Variants in TENM4 observed in about 807,000 individuals in gnomAD.
The protein encoded by TENM4 is teneurin-4.
In TENM4, 82 loss-of-function variants were observed where a neutral mutation model predicts 243.3. That is an observed-to-expected ratio of 0.34 (90% confidence interval 0.28 to 0.40). The LOEUF is 0.40. TENM4 is among the 10% of genes least tolerant of loss of function. The pLI, the probability that TENM4 is intolerant of heterozygous loss-of-function variation, is 1.00. For synonymous variants in TENM4, 1,412 were observed against 1,456.3 expected (o/e 0.97, Z 0.69); for missense variants, 3,138 against 3,673.3 (o/e 0.85, Z 3.77).
chr11:78,823,577 G>C (rs1257793960), intron 12 of TENM4, among the ~76,000 whole-genome samples: 1 of 152,206 alleles, frequency 6.6e-6, no homozygotes, highest in African/African-American at 2.4e-5. Flanking sequence ...TGAGTGAGGA[G>C]AGAAAGCTCA....
chr11:78,664,751 C>T (rs982203508), intron 32 of TENM4, among the ~76,000 whole-genome samples: 1 of 152,028 alleles, frequency 6.6e-6, no homozygotes, highest in Non-Finnish European at 1.5e-5. Flanking sequence ...ACAAACAGAA[C>T]AGGAGGAAAA....
intron 10 of TENM4, among the ~76,000 whole-genome samples, chr11:78,860,903 A>T (rs190332175): frequency 3.3e-5 from 5 of 152,286 alleles, no homozygotes; most frequent in Admixed American, 3.3e-4. Flanking sequence ...TCTTATCTGC[A>T]CCTCCTGTTC....
chr11:78,911,248 A>G (rs1337384095), intron 6 of TENM4, among the ~76,000 whole-genome samples: 1 of 152,194 alleles, frequency 6.6e-6, no homozygotes, highest in Non-Finnish European at 1.5e-5. Flanking sequence ...GCTGCATGCA[A>G]TGACTGGGAC....
intron 1 of TENM4, among the ~76,000 whole-genome samples, chr11:79,408,183 T>C (rs1229607961): frequency 1.3e-5 from 2 of 152,204 alleles, no homozygotes; most frequent in Non-Finnish European, 2.9e-5. Context: ...GGATTACAGG[T>C]GTAAGCCACC....
intron 4 of TENM4, among the ~76,000 whole-genome samples, chr11:79,120,073 A>C (rs1244880378): frequency 6.6e-6 from 1 of 152,238 alleles, no homozygotes; most frequent in Non-Finnish European, 1.5e-5. Context: ...GGAAGGAAGC[A>C]TCCACAGGCA....
intron 2 of TENM4, among the ~76,000 whole-genome samples, chr11:79,257,867 T>C (rs1300649392): frequency 6.6e-6 from 1 of 152,200 alleles, no homozygotes; most frequent in Non-Finnish European, 1.5e-5. Context: ...AATGTGGTTT[T>C]AACTAGAAGG....
chr11:78,982,413 A>T (rs1857819359), intron 6 of TENM4, among the ~76,000 whole-genome samples: 1 of 152,148 alleles, frequency 6.6e-6, no homozygotes, highest in Admixed American at 6.5e-5. Flanking sequence ...GCCAGAGTCC[A>T]TGGACTCACC....
At chr11:79,439,689 A>G (rs887154388) in intron 1 of TENM4, among the ~76,000 whole-genome samples, 1 of 150,106 alleles carries the variant, frequency 6.7e-6, no homozygotes, top group African/African-American at 2.4e-5. Flanking sequence ...ACACACACAC[A>G]CACGCCGCCC....
intron 2 of TENM4, among the ~76,000 whole-genome samples, chr11:79,223,768 T>C (rs758430110): frequency 3.9e-5 from 6 of 152,200 alleles, no homozygotes; most frequent in Non-Finnish European, 7.4e-5. Flanking sequence ...CTAGTTTCCC[T>C]GGGCAGCACC....
intron 6 of TENM4, among the ~76,000 whole-genome samples, chr11:78,954,126 C>T (rs544805712): frequency 6.4e-4 from 98 of 152,262 alleles, no homozygotes; most frequent in African/African-American, 2.3e-3. Flanking sequence ...CTGGTTTAAA[C>T]TGGGAGCCAT....
intron 20 of TENM4, 74 bp from the exon 21 acceptor site, chr11:78,732,651 A>C: frequency 6.8e-7 from 1 of 1,471,106 alleles, no homozygotes; most frequent in South Asian, 1.5e-5. Flanking sequence ...AGAGAGAGAC[A>C]AAGAAAGGGG....
intron 3 of TENM4, among the ~76,000 whole-genome samples, chr11:79,162,000 T>G (rs1042074312): frequency 6.6e-6 from 1 of 152,156 alleles, no homozygotes; most frequent in African/African-American, 2.4e-5. Context: ...TTGGTGGGTG[T>G]GGGAGAAGGA....
At chr11:79,039,219 G>C (rs936077916) in intron 6 of TENM4, among the ~76,000 whole-genome samples, 3 of 152,208 alleles carry the variant, frequency 2.0e-5, no homozygotes, top group African/African-American at 7.2e-5. Context: ...GAGCAAAAAT[G>C]ATTTTGTGAT....
intron 6 of TENM4, among the ~76,000 whole-genome samples, chr11:79,023,284 G>A (rs1858982566): frequency 6.6e-6 from 1 of 152,122 alleles, no homozygotes; most frequent in South Asian, 2.1e-4. Flanking sequence ...TATCAGCCTG[G>A]CGTGGTGGCT....
At chr11:79,396,731 C>T (rs1858353372) in intron 1 of TENM4, among the ~76,000 whole-genome samples, 1 of 152,224 alleles carries the variant, frequency 6.6e-6, no homozygotes, top group Admixed American at 6.5e-5. Flanking sequence ...CTCTAACCTT[C>T]AGGCATGGTG....
At chr11:79,026,582 G>C (rs992439854) in intron 6 of TENM4, among the ~76,000 whole-genome samples, 5 of 152,202 alleles carry the variant, frequency 3.3e-5, no homozygotes, top group African/African-American at 1.2e-4. Context: ...GTTAGAAGTA[G>C]TACTTTTAGT....
At chr11:79,182,534 T>C (rs1863304062) in intron 3 of TENM4, among the ~76,000 whole-genome samples, 1 of 152,080 alleles carries the variant, frequency 6.6e-6, no homozygotes, top group Non-Finnish European at 1.5e-5. Context: ...TTAGATGAAA[T>C]GCCAAAAGCA....
chr11:79,346,366 G>T (rs1234048247), intron 1 of TENM4, among the ~76,000 whole-genome samples: 2 of 152,016 alleles, frequency 1.3e-5, no homozygotes, highest in African/African-American at 2.4e-5. Context: ...TGCCTTCGGG[G>T]GTGTTTGAGA....
chr11:78,785,436 A>G (rs1404321182), intron 16 of TENM4, among the ~76,000 whole-genome samples: 1 of 152,172 alleles, frequency 6.6e-6, no homozygotes, highest in African/African-American at 2.4e-5. Context: ...GCCTCAGTGG[A>G]AAACCAGGAC....
Sources: allele counts gnomAD v4.1 joint callset (sites outside exome capture counted in the v4.1 genomes callset), GRCh38; gene constraint gnomAD v4.1.1; transcripts MANE v1.5; gene names NCBI Gene and HGNC (gene_info 2026-07-23, HGNC 2026-07-21).